Variants in CHRNA2 observed in about 807,000 individuals in gnomAD.
CHRNA2 encodes neuronal acetylcholine receptor subunit alpha-2.
CHRNA2 carries 40 observed loss-of-function variants against 45.5 expected under a neutral mutation model. The ratio of observed to expected loss-of-function variants is 0.88; its 90% confidence interval spans 0.68 to 1.15. The LOEUF (loss-of-function observed/expected upper bound fraction) is 1.15. CHRNA2 is among the 50% of genes most tolerant of loss of function. The pLI is 0.00. For missense variants in CHRNA2, 655 were observed against 701.7 expected, an observed-to-expected ratio of 0.93 and a Z score of 0.75; for synonymous variants, 301 against 296.7, an observed-to-expected ratio of 1.01 and a Z score of -0.15.
In CHRNA2 at chr8:27,463,521, T is replaced by C. The variant is rs1233767222; in HGVS notation, c.922A>G (p.Thr308Ala). ...TCAGTGATGAGCAGCAGGAAGACGG[T>C]GAGTGACAGCAGCACCGAAATGCAC... ...TLCISVLLSL[T>A]VFLLLITEII... Residue 308 changes from threonine to alanine, a missense_variant, in exon 6 of 7, where the codon ACC becomes GCC. Around this residue, in one of 3 missense-constraint regions of CHRNA2, gnomAD observed 37 missense variants for 66.8 expected, o/e 0.55. Coordinates refer to ENST00000407991, the MANE Select transcript of CHRNA2 (RefSeq NM_000742.4). This position sits in a 1 kb window ranked among gnomAD's most constrained non-coding sequence, Gnocchi z 6.1. 2 of 1,614,040 alleles carry C rather than the reference T, an allele frequency of 1.2e-6. No individual in the cohort carries two copies. The highest frequency in any genetic ancestry group is 2.2e-5 in the South Asian group (2 of 91,062).
intron 5 of CHRNA2, among the ~76,000 whole-genome samples, chr8:27,465,665 C>A (rs2322586): frequency 2.0e-5 from 3 of 152,064 alleles, no homozygotes; most frequent in East Asian, 1.9e-4. Flanking sequence ...TCTTGACCTC[C>A]TGATCCGCCG....
chr8:27,469,109 T>C (rs1812787489), intron 4 of CHRNA2, among the ~76,000 whole-genome samples: 1 of 152,192 alleles, frequency 6.6e-6, no homozygotes, highest in Admixed American at 6.5e-5. Flanking sequence ...GGCTTTCTAG[T>C]GCCTGAGGCT....
At chr8:27,469,469 C>G in intron 3 of CHRNA2, 90 bp from the exon 4 acceptor site, 1 of 1,363,264 alleles carries the variant, frequency 7.3e-7, no homozygotes, top group Non-Finnish European at 1.0e-6. Flanking sequence ...TTCAGACCCT[C>G]TGATAGGACA....
chr8:27,477,857 G>A (rs1036335004), intron 1 of CHRNA2, among the ~76,000 whole-genome samples: 2 of 152,048 alleles, frequency 1.3e-5, no homozygotes, highest in African/African-American at 4.8e-5. Flanking sequence ...TAAAGTGCTC[G>A]GACATCAGTG....
At chr8:27,465,132 G>A (rs1217652248) in intron 5 of CHRNA2, among the ~76,000 whole-genome samples, 1 of 152,164 alleles carries the variant, frequency 6.6e-6, no homozygotes, top group African/African-American at 2.4e-5. Context: ...GTGGGACTAG[G>A]CATTCAAGGA....
chr8:27,473,467 A>G (rs1812954705), intron 1 of CHRNA2, among the ~76,000 whole-genome samples: 1 of 151,992 alleles, frequency 6.6e-6, no homozygotes, highest in African/African-American at 2.4e-5. Flanking sequence ...TTGGAGGCCA[A>G]GATGGAAGGA....
Position 27,469,720 on chromosome 8 carries a change from G to C in CHRNA2, c.294+41C>G, listed in dbSNP as rs776346092. 5.6e-6 allele frequency: 9 copies of C among 1,609,016 alleles called. No homozygotes were observed. The East Asian group carries it at 2.0e-4, about 36-fold the overall frequency. On this transcript the variant is annotated intron_variant, in intron 3 of 6. Coordinates refer to ENST00000407991, the MANE Select transcript of CHRNA2 (RefSeq NM_000742.4). ...CAGGGGGAAAGCGGTGGGTGGTCTG[G>C]GATCTCCTTCCTCGGGCCAGCGGTG...
At chr8:27,474,491 TCCTTCCTGGCTCTGAAAATCCC>T (rs770149368) in intron 1 of CHRNA2, among the ~76,000 whole-genome samples, 1 of 152,200 alleles carries the variant, frequency 6.6e-6, no homozygotes, top group Non-Finnish European at 1.5e-5. Context: ...GGTTCCCGGT[TCCTTCCTGGCTCTGAAAATCCC>T]CAGCTGGCAG....
intron 5 of CHRNA2, among the ~76,000 whole-genome samples, chr8:27,464,550 AG>A (rs1172001061): frequency 1.3e-5 from 2 of 152,074 alleles, no homozygotes; most frequent in Non-Finnish European, 2.9e-5. Flanking sequence ...GGGTGTGGCC[AG>A]GTGCTTGCTG....
intron 1 of CHRNA2, among the ~76,000 whole-genome samples, chr8:27,475,003 T>C (rs1813018443): frequency 6.6e-6 from 1 of 152,226 alleles, no homozygotes; most frequent in South Asian, 2.1e-4. Flanking sequence ...TTTTAATCTC[T>C]TTTCTGCATA....
At position 27,461,519 on chromosome 8, in the gene CHRNA2, G is replaced by T. The variant is rs560295005; in HGVS notation, c.*110C>A. 3 of 1,480,512 alleles carry T rather than the reference G, an allele frequency of 2.0e-6. No homozygotes were observed. Among genetic ancestry groups the T allele is most frequent in the Non-Finnish European group, 2.8e-6 (3 of 1,072,074 alleles). The allele number at this position is 1,480,512 out of a possible 1,614,324, so 91.7% of individuals were successfully genotyped here. A position where few individuals can be genotyped will look rare whatever the true frequency, so the allele number is the denominator to read the frequency against. ...ATCCCTGGGTCAGTGTCCAGACTCCGCGGAGAGGCACCTGCTCATCCCAAA... is the reference window on the plus strand; with the variant it reads ...ATCCCTGGGTCAGTGTCCAGACTCCTCGGAGAGGCACCTGCTCATCCCAAA... On this transcript the variant is annotated 3_prime_UTR_variant, in exon 7 of 7. Coordinates refer to ENST00000407991, the MANE Select transcript of CHRNA2 (RefSeq NM_000742.4).
intron 1 of CHRNA2, 71 bp from the exon 2 acceptor site, chr8:27,471,265 TC>T: frequency 1.8e-6 from 1 of 553,462 alleles, no homozygotes; most frequent in Non-Finnish European, 3.3e-6. Context: ...TTTCTCATGC[TC>T]CACACAGGCA....
chr8:27,463,456 G>A lies in CHRNA2; in HGVS notation c.987C>T (p.Gly329=), dbSNP rs147530139. The change falls in exon 6 of 7, where the codon GGC becomes GGT. Residue 329 remains glycine (G), a synonymous_variant. Coordinates refer to ENST00000407991, the MANE Select transcript of CHRNA2 (RefSeq NM_000742.4). The surrounding 1 kb of genome is among the most constrained non-coding windows in gnomAD (Gnocchi z 6.1). The part of the protein sequence containing the change: ...PSTSLVIPLI[G]EYLLFTMIFV... ...AGATCATGGTGAACAGCAGGTACTC[G>A]CCGATGAGCGGGATGACCAGCGAGG... is the stretch of plus-strand genomic sequence containing the variant. 509 of 1,614,090 alleles carry A rather than the reference G, an allele frequency of 3.2e-4. 2 individuals carry two copies. Among genetic ancestry groups the A allele is most frequent in the Admixed American group, 6.7e-5 (4 of 60,002 alleles).
At chr8:27,470,913 A>G (rs1812859502) in intron 2 of CHRNA2, 73 bp downstream of exon 2, 2 of 1,497,774 alleles carry the variant, frequency 1.3e-6, no homozygotes, top group African/African-American at 1.4e-5. Context: ...ATCCACCTGC[A>G]GACTCCTTCC....
intron 1 of CHRNA2, among the ~76,000 whole-genome samples, chr8:27,472,410 G>T (rs764991367): frequency 3.9e-5 from 6 of 152,206 alleles, no homozygotes; most frequent in Non-Finnish European, 8.8e-5. Context: ...TGTCTGAATT[G>T]AATTAGAAGG....
In CHRNA2 at chr8:27,461,124, C is replaced by T. The variant is rs1393687710; in HGVS notation, c.*505G>A. The T allele has an allele frequency of 5.4e-6, 1 of 185,526 alleles. No homozygotes were observed. 11.5% of individuals were successfully genotyped at this position (185,526 alleles called of 1,614,324 possible). ...TCAACCCCAGCCTGACTTACAGAGA[C>T]CTCACCTGGCTCTCCAACCTCCCAC... On this transcript the variant is annotated 3_prime_UTR_variant, in exon 7 of 7. Coordinates refer to ENST00000407991, the MANE Select transcript of CHRNA2 (RefSeq NM_000742.4).
chr8:27,463,274 C>CA lies in CHRNA2; in HGVS notation c.1168dup (p.Cys390LeufsTer63). On this transcript the variant is annotated frameshift_variant, in exon 6 of 7. Coordinates refer to ENST00000407991, the MANE Select transcript of CHRNA2 (RefSeq NM_000742.4). LOFTEE classifies it high-confidence loss of function. The surrounding 1 kb of genome is among the most constrained non-coding windows in gnomAD (Gnocchi z 6.1). ...GCTGAGCTTCAGGCGTAGGGGGTGG[C>CA]AGAGCTCCACGGGTGGTGGGGGCCG... 1 of 1,606,704 alleles carries CA rather than the reference C, an allele frequency of 6.2e-7. No homozygotes were observed.
chr8:27,478,064 T>C (rs1813114611), intron 1 of CHRNA2, among the ~76,000 whole-genome samples: 1 of 152,174 alleles, frequency 6.6e-6, no homozygotes, highest in South Asian at 2.1e-4. Flanking sequence ...CATTCTCCTC[T>C]TTTTACTAAC....
rs139680977 is a variant in CHRNA2, at chr8:27,469,321, A to AG, written c.339+13dup. On this transcript the variant is annotated intron_variant, in intron 4 of 6. Transcript: ENST00000407991. ...CGGTACCCGCCACCTGGACTGGAGG[A>AG]GGGGGGCCCTCACCTGTTTTAGCCA... is the stretch of plus-strand genomic sequence containing the variant. 3.0e-5 allele frequency: 47 copies of AG among 1,553,336 alleles called. No individual in the cohort carries two copies. Among genetic ancestry groups the AG allele is most frequent in the Non-Finnish European group, 3.8e-5 (44 of 1,147,996 alleles).
Sources: gnomAD v4.1 joint callset for allele counts (sites outside exome capture counted in the v4.1 genomes callset) on GRCh38, gnomAD v4.1.1 for gene constraint, gnomAD v4.1.1 regional missense constraint, Gnocchi (gnomAD v3.1) non-coding constraint, MANE v1.5 for transcripts, NCBI Gene and HGNC (gene_info 2026-07-23, HGNC 2026-07-21) for gene names.